The following RABGAP1L variants were observed in gnomAD, a reference collection of about 807,000 sequenced individuals.
RABGAP1L encodes the protein RAB GTPase activating protein 1 like, also known as rab GTPase-activating protein 1-like.
A neutral mutation model predicts 137.7 loss-of-function variants in RABGAP1L; 63 were observed. The ratio of observed to expected loss-of-function variants is 0.46; its 90% CI spans 0.37 to 0.56. The LOEUF is 0.56. Ranked by LOEUF, RABGAP1L falls within the 20% of genes least tolerant of loss-of-function variation. RABGAP1L has a pLI of 0.00. For missense variants in RABGAP1L, 1,095 were observed against 1,244.0 expected, an observed-to-expected ratio of 0.88 and a Z score of 1.80; for synonymous variants, 431 against 433.7, an observed-to-expected ratio of 0.99 and a Z score of 0.08.
At chr1:174,935,962 C>T (rs1173858661) in intron 19 of RABGAP1L, among the ~76,000 whole-genome samples, 1 of 77,732 alleles carries the variant, frequency 1.3e-5, no homozygotes, top group Non-Finnish European at 2.3e-5. Flanking sequence ...GCCTGGACAA[C>T]AAGAGTAAAC....
chr1:174,756,979 G>T, intron 18 of RABGAP1L: 1 of 934,670 alleles, frequency 1.1e-6, no homozygotes, highest in Non-Finnish European at 1.6e-6. Flanking sequence ...CCAGAAACTG[G>T]CCAAGGACAA....
chr1:174,567,079 A>G (rs762252597), intron 13 of RABGAP1L, among the ~76,000 whole-genome samples: 41 of 152,266 alleles, frequency 2.7e-4, no homozygotes, highest in Non-Finnish European at 5.7e-4. Context: ...GTGACACTAA[A>G]TATGTTAACA....
At chr1:174,328,699 G>C (rs1680761849) in intron 11 of RABGAP1L, among the ~76,000 whole-genome samples, 1 of 152,098 alleles carries the variant, frequency 6.6e-6, no homozygotes. Context: ...GAACTGAGGA[G>C]GCGGAAGTTG....
At chr1:174,521,379 A>G (rs2147847565) in intron 13 of RABGAP1L, among the ~76,000 whole-genome samples, 1 of 152,368 alleles carries the variant, frequency 6.6e-6, no homozygotes, top group African/African-American at 2.4e-5. Flanking sequence ...ATACTTTGAT[A>G]GAAGAAGCTT....
At chr1:174,876,241 CATTTCAACTGGTTGAAATGTTTT>C (rs886349788) in intron 19 of RABGAP1L, among the ~76,000 whole-genome samples, 21 of 152,246 alleles carry the variant, frequency 1.4e-4, no homozygotes, top group East Asian at 9.7e-4. Context: ...GAAGACTAAA[CATTTCAACTGGTTGAAATGTTTT>C]ATTTCAACTT....
intron 13 of RABGAP1L, among the ~76,000 whole-genome samples, chr1:174,540,187 A>T (rs1665258642): frequency 6.6e-6 from 1 of 152,060 alleles, no homozygotes; most frequent in Admixed American, 6.6e-5. Flanking sequence ...TAGATTCTGG[A>T]TATTAGCCCT....
chr1:174,412,996 A>T (rs1263592778), intron 13 of RABGAP1L, among the ~76,000 whole-genome samples: 2 of 152,084 alleles, frequency 1.3e-5, no homozygotes, highest in African/African-American at 2.4e-5. Flanking sequence ...TTGTATCTGG[A>T]TGTCTACCTC....
intron 12 of RABGAP1L, among the ~76,000 whole-genome samples, chr1:174,377,594 C>T (rs936630044): frequency 3.9e-5 from 6 of 152,042 alleles, no homozygotes; most frequent in East Asian, 1.9e-4. Flanking sequence ...CCAAGTAGCA[C>T]ATAAAAAGAT....
chr1:174,607,855 G>C (rs1422778348), intron 13 of RABGAP1L, among the ~76,000 whole-genome samples: 1 of 152,126 alleles, frequency 6.6e-6, no homozygotes, highest in East Asian at 1.9e-4. Context: ...AAGCTTCTTT[G>C]GTTATTCTTT....
chr1:174,891,107 C>T (rs1656066792), intron 19 of RABGAP1L, among the ~76,000 whole-genome samples: 1 of 152,196 alleles, frequency 6.6e-6, no homozygotes, highest in Non-Finnish European at 1.5e-5. Context: ...CAGTGTATAT[C>T]TGTGCCTATT....
intron 1 of RABGAP1L, among the ~76,000 whole-genome samples, chr1:174,206,821 A>G (rs1370519009): frequency 6.6e-6 from 1 of 152,180 alleles, no homozygotes; most frequent in Non-Finnish European, 1.5e-5. Context: ...TGAAAATTGT[A>G]GTTTTAGGCA....
intron 19 of RABGAP1L, among the ~76,000 whole-genome samples, chr1:174,841,412 G>A (rs1038673756): frequency 2.0e-5 from 3 of 151,888 alleles, no homozygotes; most frequent in African/African-American, 7.2e-5. Context: ...TAAAACAAAA[G>A]CATAATGAAA....
intron 19 of RABGAP1L, chr1:174,850,294 C>G (rs929385066): frequency 6.4e-5 from 15 of 232,932 alleles, no homozygotes; most frequent in African/African-American, 3.4e-4. Flanking sequence ...AGAATTCTAC[C>G]AAACCTTTCA....
At position 174,760,222 on chromosome 1, in the gene RABGAP1L, G is replaced by C. The variant is rs73026478; in HGVS notation, c.2211+7868G>C. Reference sequence around the variant, plus strand: ...TTTGAATTTCAGGGGTACTTGTGTAGGTCTGTTATATAGATAAATTGTGTG... The same window carrying C: ...TTTGAATTTCAGGGGTACTTGTGTACGTCTGTTATATAGATAAATTGTGTG... On this transcript the variant is annotated intron_variant, in intron 18 of 25. Coordinates refer to ENST00000681986, the MANE Select transcript of RABGAP1L (RefSeq NM_001366446.1). Among the ~76,000 whole-genome samples, 804 of 152,034 alleles carry C rather than the reference G, an allele frequency of 5.3e-3. 10 individuals carry two copies. The highest frequency in any genetic ancestry group is 0.018 in the African/African-American group (760 of 41,466).
chr1:174,180,375 A>C (rs1666252381), intron 1 of RABGAP1L, among the ~76,000 whole-genome samples: 1 of 152,234 alleles, frequency 6.6e-6, no homozygotes, highest in African/African-American at 2.4e-5. Context: ...TAATGATACA[A>C]TGATAGTGAT....
At chr1:174,989,102 G>A (rs1227073852) in intron 25 of RABGAP1L, among the ~76,000 whole-genome samples, 3 of 151,806 alleles carry the variant, frequency 2.0e-5, no homozygotes, top group Admixed American at 6.6e-5. Flanking sequence ...TTTTTACCCT[G>A]AGATTTTTTG....
chr1:174,978,772 C>A, intron 22 of RABGAP1L, 35 bp from the exon 23 acceptor site: 1 of 1,508,690 alleles, frequency 6.6e-7, no homozygotes, highest in Non-Finnish European at 8.8e-7. Context: ...AAGATTTTGG[C>A]TAAATCCTGA....
intron 13 of RABGAP1L, among the ~76,000 whole-genome samples, chr1:174,459,692 T>C (rs938618335): frequency 2.0e-5 from 3 of 152,034 alleles, no homozygotes; most frequent in African/African-American, 7.2e-5. Context: ...TCCATTTTTT[T>C]CCCCTGAATA....
chr1:174,694,932 G>A (rs1679140925), intron 15 of RABGAP1L, among the ~76,000 whole-genome samples: 2 of 151,880 alleles, frequency 1.3e-5, no homozygotes, highest in African/African-American at 4.8e-5. Context: ...GTTTTGATTT[G>A]CATTTCTCTG....
Sources: allele counts gnomAD v4.1 joint callset (sites outside exome capture counted in the v4.1 genomes callset), GRCh38; gene constraint gnomAD v4.1.1; transcripts MANE v1.5; gene names NCBI Gene and HGNC (gene_info 2026-07-23, HGNC 2026-07-21).